Variants in MAPK12 observed in about 807,000 individuals in gnomAD.
MAPK12 encodes mitogen-activated protein kinase 12.
Under a neutral mutation model 49.1 loss-of-function variants are expected in MAPK12, and 49 were observed. The ratio of observed to expected loss-of-function variants is 1.00; its 90% CI spans 0.79 to 1.27. The LOEUF (loss-of-function observed/expected upper bound fraction) is 1.27. Among genes scored for constraint, MAPK12 ranks in the 50% most tolerant of loss-of-function variants. The pLI, the probability that MAPK12 is intolerant of heterozygous loss-of-function variation, is 0.00. For synonymous variants in MAPK12, 251 were observed against 209.7 expected (o/e 1.20, Z -1.70); for missense variants, 554 against 502.4 (o/e 1.10, Z -0.98).
In MAPK12 at chr22:50,261,481, C is replaced by T; in HGVS notation, c.29G>A (p.Gly10Asp). Residue 10 changes from glycine (G) to aspartate (D), a missense_variant, in exon 1 of 12, where the codon GGC becomes GAC. Physicochemically the swap from Gly to Asp is moderately conservative, Grantham distance 94. Coordinates refer to ENST00000215659, the MANE Select transcript of MAPK12 (RefSeq NM_002969.6). ...CTTGGTCACCTCCTGGCGGTAAAAG[C>T]CACTGCGGGCGGGCGGCGGAGAGCT... MSSPPPARS[G>D]FYRQEVTKTA... 4.7e-6 allele frequency: 6 copies of T among 1,264,682 alleles called. No individual in the cohort carries two copies. Among genetic ancestry groups the T allele is most frequent in the African/African-American group, 3.2e-5 (2 of 63,208 alleles). 78.3% of individuals were successfully genotyped at this position (1,264,682 alleles called of 1,614,324 possible).
At chr22:50,257,984 G>C in intron 3 of MAPK12, 1 of 753,244 alleles carries the variant, frequency 1.3e-6, no homozygotes, top group African/African-American at 1.7e-5. Flanking sequence ...CACACCTCCG[G>C]TGCTGGAGAG....
intron 2 of MAPK12, 140 bp from the exon 3 acceptor site, chr22:50,258,441 G>T (rs1423321828): frequency 1.3e-6 from 1 of 754,070 alleles, no homozygotes; most frequent in African/African-American, 1.7e-5. Context: ...GCCTGGCTCT[G>T]CCCACTGGCA....
chr22:50,253,628 G>A (rs888738558), intron 11 of MAPK12, 148 bp from the exon 12 acceptor site: 25 of 623,794 alleles, frequency 4.0e-5, no homozygotes, highest in Non-Finnish European at 6.7e-5. Flanking sequence ...GAAGGTTTGT[G>A]TGAAGAGGCC....
intron 11 of MAPK12, 22 bp from the exon 12 acceptor site, chr22:50,253,502 G>GGGGGGGGGGGCCCCCCCCCCCC: frequency 2.9e-5 from 5 of 171,616 alleles, no homozygotes; most frequent in East Asian, 3.1e-4. Flanking sequence ...GGGGGGGCGG[G>GGGGGGGGGGGCCCCCCCCCCCC]CACAACAGAG....
Position 50,255,436 on chromosome 22 carries a change from A to C in MAPK12, c.850+17T>G, listed in dbSNP as rs1288086518. On this transcript the variant is annotated intron_variant, in intron 10 of 11. Coordinates refer to ENST00000215659, the MANE Select transcript of MAPK12 (RefSeq NM_002969.6). ...CACACTCCAGCACCCGGTGGCCCCC[A>C]CACTAGCCAGCCGTACCCAGAGGGC... The C allele has an allele frequency of 6.2e-7, 1 of 1,612,890 alleles. No homozygotes were observed. The highest frequency in any genetic ancestry group is 8.5e-7 in the Non-Finnish European group (1 of 1,179,988).
intron 7 of MAPK12, 69 bp downstream of exon 7, chr22:50,256,016 C>A: frequency 6.5e-7 from 1 of 1,528,808 alleles, no homozygotes. Flanking sequence ...CACCACAGGG[C>A]TGTCCGTGAA....
chr22:50,257,966 C>T, intron 3 of MAPK12: 1 of 766,246 alleles, frequency 1.3e-6, no homozygotes, highest in Non-Finnish European at 2.4e-6. Flanking sequence ...ATGGTCAGGT[C>T]CAAGGTTCAC....
chr22:50,261,186 T>C lies in MAPK12; in HGVS notation c.236A>G (p.Lys79Arg), dbSNP rs753446680. Residue 79 changes from lysine (K) to arginine (R), a missense_variant, in exon 2 of 12, where the codon AAG (lysine) becomes AGG (arginine). Physicochemically the swap from Lys to Arg is conservative, Grantham distance 26 (BLOSUM62 2). Transcript: ENST00000215659. Reference sequence around the variant, plus strand: ...ACTCACGTTCTCGTGGCGCATGTGCTTGAGCAGGCGCAGCTCGCGGTAGGC... The same window carrying C: ...ACTCACGTTCTCGTGGCGCATGTGCCTGAGCAGGCGCAGCTCGCGGTAGGC... ...KRAYRELRLL[K>R]HMRHENVIGL... The C allele has an allele frequency of 6.3e-7, 1 of 1,592,716 alleles. No individual in the cohort carries two copies. The highest frequency in any genetic ancestry group is 8.5e-7 in the Non-Finnish European group (1 of 1,170,522).
rs565524902 is a variant in MAPK12, at chr22:50,255,809, C to T, written c.691+1G>A. 184 of 1,612,398 alleles carry T rather than the reference C, an allele frequency of 1.1e-4. No individual in the cohort carries two copies. The highest frequency in any genetic ancestry group is 3.0e-4 in the Admixed American group (18 of 59,996). On this transcript the variant is annotated splice_donor_variant, in intron 8 of 11. Transcript: ENST00000215659. LOFTEE classifies it high-confidence loss of function. Reference sequence around the variant, plus strand: ...GGTGCCGCCCTGCGGCTGGAGGATACGGTCGCTGCCCTTGAACAGCGTCTT... The same window carrying T: ...GGTGCCGCCCTGCGGCTGGAGGATATGGTCGCTGCCCTTGAACAGCGTCTT...
chr22:50,258,227 C>G lies in MAPK12; in HGVS notation c.314+16G>C, dbSNP rs2065172202. 1 of 1,612,930 alleles carries G rather than the reference C, an allele frequency of 6.2e-7. No homozygotes were observed. On this transcript the variant is annotated intron_variant, in intron 3 of 11. Transcript: ENST00000215659. ...ACACCCCTCGTGCCCAGCGGCCAGC[C>G]CAGGTCGGCACTCACAAGTCCGTGA...
intron 11 of MAPK12, chr22:50,254,919 C>G: frequency 2.3e-6 from 3 of 1,330,180 alleles, no homozygotes; most frequent in Non-Finnish European, 2.9e-6. Context: ...CAACTTCCAG[C>G]TCCAGCCAGA....
chr22:50,255,863 C>T lies in MAPK12; in HGVS notation c.638G>A (p.Gly213Asp), dbSNP rs886409501. The T allele has an allele frequency of 6.2e-7, 1 of 1,612,670 alleles. No homozygotes were observed. Among genetic ancestry groups the T allele is most frequent in the African/African-American group, 1.3e-5 (1 of 74,928 alleles). Reference protein sequence around the residue: ...YTQTVDIWSVGCIMAEMITGK... With the variant: ...YTQTVDIWSVDCIMAEMITGK... ...TGTGATCATCTCCGCCATGATGCAG[C>T]CCACAGACCAGATGTCCACTGAGAT... is the stretch of plus-strand genomic sequence containing the variant. Residue 213 changes from glycine (G) to aspartate (D), a missense_variant, in exon 8 of 12, where the codon GGC becomes GAC. Transcript: ENST00000215659.
At chr22:50,256,342 C>A in intron 6 of MAPK12, 143 bp from the exon 7 acceptor site, 1 of 735,254 alleles carries the variant, frequency 1.4e-6, no homozygotes, top group Non-Finnish European at 2.2e-6. Flanking sequence ...TGAGGCCACG[C>A]CCTCGGACCC....
intron 3 of MAPK12, 30 bp downstream of exon 3, chr22:50,258,213 G>A (rs751622808): frequency 1.2e-6 from 2 of 1,610,738 alleles, no homozygotes; most frequent in East Asian, 4.5e-5. Flanking sequence ...CACCCCTCGT[G>A]CCCAGCGGCC....
At chr22:50,260,419 T>A (rs1339018787) in intron 2 of MAPK12, among the ~76,000 whole-genome samples, 3 of 151,920 alleles carry the variant, frequency 2.0e-5, no homozygotes, top group African/African-American at 7.3e-5. Context: ...TGGGGGGCAG[T>A]GGACAAGTGG....
intron 3 of MAPK12, 111 bp from the exon 4 acceptor site, chr22:50,257,304 G>A: frequency 2.6e-6 from 2 of 772,396 alleles, no homozygotes; most frequent in South Asian, 3.0e-5. Context: ...GGCACCCCCA[G>A]GAAGGTCACC....
chr22:50,258,445 A>C (rs1195340937), intron 2 of MAPK12, 144 bp from the exon 3 acceptor site: 9 of 739,648 alleles, frequency 1.2e-5, no homozygotes, highest in Non-Finnish European at 1.9e-5. Context: ...GGCTCTGCCC[A>C]CTGGCAGTGT....
chr22:50,255,777 C>T (rs748476363), intron 8 of MAPK12, 33 bp downstream of exon 8: 20 of 1,611,548 alleles, frequency 1.2e-5, no homozygotes, highest in South Asian at 3.3e-5. Context: ...CATCCCCACC[C>T]GCCCCTGGTG....
intron 11 of MAPK12, chr22:50,254,585 G>C (rs781337698): frequency 8.8e-6 from 8 of 913,856 alleles, no homozygotes; most frequent in Non-Finnish European, 1.0e-5. Flanking sequence ...CCGGGAGACG[G>C]AGCTTGCAGT....
Sources: gnomAD v4.1 joint callset for allele counts (sites outside exome capture counted in the v4.1 genomes callset) on GRCh38, gnomAD v4.1.1 for gene constraint, MANE v1.5 for transcripts, NCBI Gene and HGNC (gene_info 2026-07-23, HGNC 2026-07-21) for gene names.